Variants in TTC33 observed in about 807,000 individuals in gnomAD.
TTC33 encodes the protein tetratricopeptide repeat protein 33.
In TTC33, 24 loss-of-function variants were observed where a neutral mutation model predicts 29.4. That is an observed-to-expected ratio of 0.82 (90% CI 0.59 to 1.15). TTC33 has a LOEUF of 1.15. Ranked by LOEUF, TTC33 falls within the 50% of genes most tolerant of loss-of-function variation. The pLI is 0.00. For missense variants in TTC33, 286 were observed against 310.4 expected (o/e 0.92, Z 0.59); for synonymous variants, 107 against 100.3 (o/e 1.07, Z -0.40).
chr5:40,716,068 C>G lies in TTC33; in HGVS notation c.*77G>C, dbSNP rs1741989634. On this transcript the variant is annotated 3_prime_UTR_variant, in exon 5 of 5. Coordinates refer to ENST00000337702, the MANE Select transcript of TTC33 (RefSeq NM_012382.3). ...CAACCAGGCGTTCTCCTATCTATCT[C>G]CAGAGTAAATGTCTCTATGTCAAAA... The G allele has an allele frequency of 8.1e-7, 1 of 1,241,766 alleles. No homozygotes were observed. Among genetic ancestry groups the G allele is most frequent in the African/African-American group, 1.5e-5 (1 of 66,072 alleles). 76.9% of individuals were successfully genotyped at this position (1,241,766 alleles called of 1,614,324 possible). A position where few individuals can be genotyped will look rare whatever the true frequency, so the allele number is the denominator to read the frequency against.
intron 4 of TTC33, among the ~76,000 whole-genome samples, chr5:40,718,323 T>G (rs1742050500): frequency 6.6e-6 from 1 of 152,066 alleles, no homozygotes. Context: ...GGAAAATTGT[T>G]TGAACCCCGG....
At chr5:40,720,770 T>C (rs1189603368) in intron 4 of TTC33, among the ~76,000 whole-genome samples, 1 of 152,096 alleles carries the variant, frequency 6.6e-6, no homozygotes, top group Non-Finnish European at 1.5e-5. Flanking sequence ...AGAAGGGAGA[T>C]TCAGGACACC....
intron 4 of TTC33, among the ~76,000 whole-genome samples, chr5:40,724,676 T>A (rs1487795020): frequency 6.6e-6 from 1 of 151,646 alleles, no homozygotes; most frequent in Non-Finnish European, 1.5e-5. Flanking sequence ...AGAACAATAA[T>A]AAAGCTCATA....
chr5:40,713,530 C>T lies in TTC33; in HGVS notation c.*2615G>A, dbSNP rs1454578375. On this transcript the variant is annotated 3_prime_UTR_variant, in exon 5 of 5. Transcript: ENST00000337702. ...TAGATCTGGCTCCTGTGAGCTATAA[C>T]TTGCATGGCTTTTCAATGTTTATGT... is the stretch of plus-strand genomic sequence containing the variant. 6.6e-6 allele frequency among the ~76,000 whole-genome samples: 1 copy of T among 152,100 alleles called. No homozygotes were observed. The highest frequency in any genetic ancestry group is 6.6e-5 in the Admixed American group (1 of 15,258).
In TTC33 at chr5:40,746,686, GA is replaced by G. The variant is rs539177773; in HGVS notation, c.221+111del. The G allele has an allele frequency of 4.0e-5, 33 of 823,912 alleles. No homozygotes were observed. In the African/African-American group the frequency reaches 5.6e-4, roughly 14 times the overall value. The allele number at this position is 823,912 out of a possible 1,614,324, so 51.0% of individuals were successfully genotyped here. A position where few individuals can be genotyped will look rare whatever the true frequency, so the allele number is the denominator to read the frequency against. ...ATTTCTTTGATTAATTTAGCACCTAGAATAGATTTTTAAACATGAATTTATC... is the reference window on the plus strand; with the variant it reads ...ATTTCTTTGATTAATTTAGCACCTAGATAGATTTTTAAACATGAATTTATC... On this transcript the variant is annotated intron_variant, in intron 2 of 4. Coordinates refer to ENST00000337702, the MANE Select transcript of TTC33 (RefSeq NM_012382.3).
At chr5:40,738,519 A>AAATACAATAC (rs1451226018) in intron 2 of TTC33, among the ~76,000 whole-genome samples, 1 of 69,042 alleles carries the variant, frequency 1.4e-5, no homozygotes, top group African/African-American at 5.1e-5. Flanking sequence ...AAATACAATA[A>AAATACAATAC]AATAAAATAC....
At chr5:40,726,789 T>C (rs1426016972) in intron 4 of TTC33, among the ~76,000 whole-genome samples, 1 of 152,138 alleles carries the variant, frequency 6.6e-6, no homozygotes, top group African/African-American at 2.4e-5. Context: ...CCATAGACAC[T>C]ATTGGCAAAA....
chr5:40,741,580 C>T (rs550815474), intron 2 of TTC33, among the ~76,000 whole-genome samples: 210 of 152,306 alleles, frequency 1.4e-3, no homozygotes, highest in Non-Finnish European at 2.5e-3. Flanking sequence ...CAACTTCTAG[C>T]TGTGTCAGCC....
chr5:40,715,206 T>C lies in TTC33; in HGVS notation c.*939A>G, dbSNP rs1170936352. The C allele has an allele frequency of 6.6e-6, 1 of 152,078 alleles. No homozygotes were observed. The highest frequency in any genetic ancestry group is 1.9e-4 in the East Asian group (1 of 5,194). The allele number at this position is 152,078 out of a possible 1,614,324, so 9.4% of individuals were successfully genotyped here. Reference sequence around the variant, plus strand: ...AATTATTTTTCATTTCACTGAGTAGTTTCAAAAAAAGTTATCTAGAAAAGT... The same window carrying C: ...AATTATTTTTCATTTCACTGAGTAGCTTCAAAAAAAGTTATCTAGAAAAGT... On this transcript the variant is annotated 3_prime_UTR_variant, in exon 5 of 5. Coordinates refer to ENST00000337702, the MANE Select transcript of TTC33 (RefSeq NM_012382.3).
At chr5:40,720,035 T>A (rs1454203150) in intron 4 of TTC33, among the ~76,000 whole-genome samples, 1 of 152,214 alleles carries the variant, frequency 6.6e-6, no homozygotes, top group African/African-American at 2.4e-5. Context: ...CAAAAGTGTT[T>A]AATTTGAAGT....
At chr5:40,722,511 CCCCACCT>C (rs1489828555) in intron 4 of TTC33, among the ~76,000 whole-genome samples, 1 of 150,830 alleles carries the variant, frequency 6.6e-6, no homozygotes, top group Non-Finnish European at 1.5e-5. Flanking sequence ...AGCGCCTCTG[CCCCACCT>C]CCCCGTCTGG....
intron 4 of TTC33, among the ~76,000 whole-genome samples, 184 bp downstream of exon 4, chr5:40,728,161 A>G (rs1184166832): frequency 4.0e-5 from 6 of 151,532 alleles, no homozygotes. Context: ...GCGCATGCCT[A>G]TAGTCCCAGC....
In TTC33 at chr5:40,753,767, C is replaced by T. The variant is rs114609442; in HGVS notation, c.-2+2057G>A. ...CTAATGGTAACAAGAATGATGACCA[C>T]GTTTTCCGGTTTCAAGATTCCAAAT... On this transcript the variant is annotated intron_variant, in intron 1 of 4. Coordinates refer to ENST00000337702, the MANE Select transcript of TTC33 (RefSeq NM_012382.3). 5.0e-3 allele frequency among the ~76,000 whole-genome samples: 767 copies of T among 152,274 alleles called. 6 individuals are homozygous for T. The highest frequency in any genetic ancestry group is 8.1e-3 in the Admixed American group (124 of 15,298).
chr5:40,752,220 T>C (rs1168537849), intron 1 of TTC33, among the ~76,000 whole-genome samples: 1 of 152,218 alleles, frequency 6.6e-6, no homozygotes, highest in Non-Finnish European at 1.5e-5. Context: ...TAAGGGAATA[T>C]TGTGGCTGGT....
chr5:40,747,304 C>T (rs1742812850), intron 1 of TTC33, among the ~76,000 whole-genome samples: 1 of 152,116 alleles, frequency 6.6e-6, no homozygotes, highest in Non-Finnish European at 1.5e-5. Flanking sequence ...GTGATCTGCC[C>T]ATCTCGGTCT....
At chr5:40,753,372 AAAAGAAAGAAAG>A (rs200588087) in intron 1 of TTC33, among the ~76,000 whole-genome samples, 18 of 151,324 alleles carry the variant, frequency 1.2e-4, no homozygotes, top group African/African-American at 3.4e-4. Flanking sequence ...CTCAAAAAAA[AAAAGAAAGAAAG>A]AAAGAAAGAA....
chr5:40,733,636 C>A (rs1742484851), intron 2 of TTC33, among the ~76,000 whole-genome samples: 1 of 152,180 alleles, frequency 6.6e-6, no homozygotes, highest in South Asian at 2.1e-4. Context: ...CTTGGAGGAA[C>A]TAGTGGCAGA....
At chr5:40,725,786 T>A (rs1465343471) in intron 4 of TTC33, among the ~76,000 whole-genome samples, 1 of 114,612 alleles carries the variant, frequency 8.7e-6, no homozygotes, top group African/African-American at 2.7e-5. Flanking sequence ...CTCTTCAGCT[T>A]TTTTTTTTTT....
intron 4 of TTC33, among the ~76,000 whole-genome samples, chr5:40,726,758 T>C (rs1742298063): frequency 6.6e-6 from 1 of 152,280 alleles, no homozygotes; most frequent in African/African-American, 2.4e-5. Context: ...AAATATTATG[T>C]CCTAGAGATT....
Sources: allele counts gnomAD v4.1 joint callset (sites outside exome capture counted in the v4.1 genomes callset), GRCh38; gene constraint gnomAD v4.1.1; transcripts MANE v1.5; gene names NCBI Gene and HGNC (gene_info 2026-07-23, HGNC 2026-07-21).